The following SOX6 variants were observed in gnomAD, a reference collection of about 807,000 sequenced individuals.
The protein encoded by SOX6 is transcription factor SOX-6.
A neutral mutation model predicts 97.8 loss-of-function variants in SOX6; 11 were observed. The ratio of observed to expected loss-of-function variants is 0.11; its 90% CI spans 0.07 to 0.19. The LOEUF (loss-of-function observed/expected upper bound fraction) is 0.19, where lower values mean the gene tolerates loss of function less well. SOX6 is among the 10% of genes least tolerant of loss of function. SOX6 has a pLI of 1.00. For missense variants in SOX6, 810 were observed against 1,039.5 expected (o/e 0.78, Z 3.04); for synonymous variants, 360 against 371.4 (o/e 0.97, Z 0.35).
rs560650112 is a variant in SOX6 at position 16,023,263 on chromosome 11, G to A, written c.1624-8213C>T. The A allele has an allele frequency of 2.6e-5, 4 of 152,026 alleles. No homozygotes were observed. In the East Asian group the frequency reaches 7.8e-4, roughly 30 times the overall value. 9.4% of individuals were successfully genotyped at this position (152,026 alleles called of 1,614,324 possible). A position where few individuals can be genotyped will look rare whatever the true frequency, so the allele number is the denominator to read the frequency against. On this transcript the variant is annotated intron_variant, in intron 12 of 15. Transcript: ENST00000683767. ...ATTACAATTATTGGTTTCTATGTCT[G>A]TTTCCAGTTCTCCTCAACTTGCTCC...
intron 4 of SOX6, among the ~76,000 whole-genome samples, chr11:16,598,253 G>A (rs1401494855): frequency 6.6e-6 from 1 of 151,962 alleles, no homozygotes; most frequent in Non-Finnish European, 1.5e-5. Context: ...TTATACCATG[G>A]ATATATTGGG....
chr11:15,983,833 C>G (rs73417031), intron 15 of SOX6, among the ~76,000 whole-genome samples: 2 of 152,074 alleles, frequency 1.3e-5, no homozygotes, highest in African/African-American at 2.4e-5. Context: ...CTATTGAGAA[C>G]AGGATACTTA....
intron 3 of SOX6, among the ~76,000 whole-genome samples, chr11:16,657,137 C>A (rs1428632714): frequency 6.6e-6 from 1 of 152,204 alleles, no homozygotes; most frequent in Non-Finnish European, 1.5e-5. Context: ...CCCTCCTAAC[C>A]CCTAGCAACC....
At chr11:16,047,250 G>A (rs551931827) in intron 11 of SOX6, among the ~76,000 whole-genome samples, 7 of 152,040 alleles carry the variant, frequency 4.6e-5, no homozygotes, top group African/African-American at 9.7e-5. Context: ...AAGAGGGGGC[G>A]GAAGGAATTC....
chr11:16,350,879 T>C (rs918583002), intron 1 of SOX6, among the ~76,000 whole-genome samples: 4 of 152,082 alleles, frequency 2.6e-5, no homozygotes. Flanking sequence ...ATCAATACTA[T>C]GGGAATGAGG....
chr11:16,228,016 G>A (rs1852734222), intron 4 of SOX6, among the ~76,000 whole-genome samples: 2 of 152,092 alleles, frequency 1.3e-5, no homozygotes, highest in Admixed American at 1.3e-4. Flanking sequence ...TCACCAACAT[G>A]GTGAAACCCT....
intron 3 of SOX6, among the ~76,000 whole-genome samples, chr11:16,665,003 A>T (rs931502945): frequency 6.6e-6 from 1 of 151,900 alleles, no homozygotes; most frequent in Non-Finnish European, 1.5e-5. Flanking sequence ...AGGATTCATC[A>T]TCTGCTGACT....
chr11:16,403,885 A>C (rs1447432733), intron 1 of SOX6, among the ~76,000 whole-genome samples: 1 of 151,828 alleles, frequency 6.6e-6, no homozygotes, highest in African/African-American at 2.4e-5. Flanking sequence ...TAAATAACTA[A>C]AGCAAGATGT....
intron 1 of SOX6, among the ~76,000 whole-genome samples, chr11:16,452,007 T>TAAATAAATAAATAAATA (rs1448775059): frequency 5.3e-5 from 8 of 151,114 alleles, no homozygotes; most frequent in South Asian, 2.1e-4. Flanking sequence ...AATAAATAAA[T>TAAATAAATAAATAAATA]AAATAAAATA....
intron 3 of SOX6, among the ~76,000 whole-genome samples, chr11:16,245,723 G>A (rs964493026): frequency 3.6e-4 from 54 of 151,290 alleles, no homozygotes; most frequent in Non-Finnish European, 5.2e-4. Flanking sequence ...CCTTCTCCTG[G>A]AGTCTACTTT....
At position 16,046,560 on chromosome 11, in the gene SOX6, A is replaced by T; in HGVS notation, c.1577T>A (p.Leu526Gln). ...QQQPHGVDGK[L>Q]SSINNMGLNS... is the part of the protein sequence containing the mutation. ...CAGCCCCATATTATTTATGGAGGACAGTTTCCCGTCAACACCATGTGGCTG... is the reference window on the plus strand; with the variant it reads ...CAGCCCCATATTATTTATGGAGGACTGTTTCCCGTCAACACCATGTGGCTG... Residue 526 changes from leucine (L) to glutamine (Q), a missense_variant, in exon 12 of 16, where the codon CTG becomes CAG. Physicochemically the swap from Leu to Gln is moderately radical, Grantham distance 113. Transcript: ENST00000683767. 2.5e-6 allele frequency: 4 copies of T among 1,613,728 alleles called. No homozygotes were observed. Among genetic ancestry groups the T allele is most frequent in the Non-Finnish European group, 3.4e-6 (4 of 1,179,774 alleles).
chr11:16,411,667 C>T (rs891382629), intron 1 of SOX6, among the ~76,000 whole-genome samples: 2 of 152,090 alleles, frequency 1.3e-5, no homozygotes, highest in Non-Finnish European at 2.9e-5. Context: ...AAAATGCAGA[C>T]CTCCTAAAAG....
intron 4 of SOX6, among the ~76,000 whole-genome samples, chr11:16,547,224 A>G (rs1292140975): frequency 6.6e-6 from 1 of 152,084 alleles, no homozygotes; most frequent in Non-Finnish European, 1.5e-5. Context: ...ACAAACTAAA[A>G]ATAGAACAAC....
At chr11:16,355,433 A>C (rs1857046694) in intron 1 of SOX6, among the ~76,000 whole-genome samples, 1 of 152,086 alleles carries the variant, frequency 6.6e-6, no homozygotes, top group African/African-American at 2.4e-5. Context: ...AATTTAATTT[A>C]CTATAGTTTT....
chr11:16,140,979 T>C (rs1019854039), intron 6 of SOX6, among the ~76,000 whole-genome samples: 2 of 152,120 alleles, frequency 1.3e-5, no homozygotes, highest in African/African-American at 4.8e-5. Flanking sequence ...CTGGGTGTCA[T>C]GGCAGGTGCC....
chr11:16,090,201 T>A (rs542894941), intron 9 of SOX6, among the ~76,000 whole-genome samples: 1 of 152,172 alleles, frequency 6.6e-6, no homozygotes, highest in South Asian at 2.1e-4. Context: ...GCTAAATGAC[T>A]GTTGACAAAA....
intron 1 of SOX6, among the ~76,000 whole-genome samples, chr11:16,425,504 T>C (rs1267976667): frequency 6.6e-6 from 1 of 152,030 alleles, no homozygotes; most frequent in East Asian, 1.9e-4. Flanking sequence ...GTCATCCAAA[T>C]AGGAAGAGAG....
At chr11:16,667,402 A>C (rs1318513089) in intron 3 of SOX6, among the ~76,000 whole-genome samples, 1 of 152,220 alleles carries the variant, frequency 6.6e-6, no homozygotes, top group Non-Finnish European at 1.5e-5. Context: ...TCAAGGATGA[A>C]GGTTAAAAAT....
chr11:16,247,988 C>T (rs193302786), intron 3 of SOX6, among the ~76,000 whole-genome samples: 174 of 152,296 alleles, frequency 1.1e-3, no homozygotes, highest in Non-Finnish European at 1.7e-3. Flanking sequence ...GGGGTACAGA[C>T]ATTGGGTAAA....
Sources: gnomAD v4.1 joint callset for allele counts (sites outside exome capture counted in the v4.1 genomes callset) on GRCh38, gnomAD v4.1.1 for gene constraint, MANE v1.5 for transcripts, NCBI Gene and HGNC (gene_info 2026-07-23, HGNC 2026-07-21) for gene names.